ITGA4: variants seen among roughly 807,000 people sequenced by gnomAD.
ITGA4 encodes integrin subunit alpha 4.
A neutral mutation model predicts 133.6 loss-of-function variants in ITGA4; 63 were observed. That is an observed-to-expected ratio of 0.47 (90% confidence interval 0.38 to 0.58). The LOEUF (loss-of-function observed/expected upper bound fraction) is 0.58. Ranked by LOEUF, ITGA4 falls within the 20% of genes least tolerant of loss-of-function variation. The pLI, the probability that ITGA4 is intolerant of heterozygous loss-of-function variation, is 0.00. For missense variants in ITGA4, 1,076 were observed against 1,252.7 expected (o/e 0.86, Z 2.13); for synonymous variants, 483 against 438.0 (o/e 1.10, Z -1.28).
chr2:181,492,272 G>C (rs1017490006), intron 10 of ITGA4, among the ~76,000 whole-genome samples: 3 of 152,130 alleles, frequency 2.0e-5, no homozygotes, highest in African/African-American at 7.2e-5. Flanking sequence ...AAATATAGGT[G>C]TCTACCATTT....
intron 5 of ITGA4, chr2:181,479,055 A>G (rs2105730782): frequency 3.1e-6 from 1 of 319,164 alleles, no homozygotes. Context: ...AATCTATACT[A>G]AAGAACATTT....
At chr2:181,481,538 C>T (rs1161070285) in intron 6 of ITGA4, 60 bp from the exon 7 acceptor site, 5 of 733,274 alleles carry the variant, frequency 6.8e-6, no homozygotes, top group Non-Finnish European at 1.2e-5. Context: ...TCTATTTTAC[C>T]CATATTACCA....
chr2:181,501,328 A>G (rs1686263534), intron 15 of ITGA4, among the ~76,000 whole-genome samples: 1 of 152,170 alleles, frequency 6.6e-6, no homozygotes, highest in Non-Finnish European at 1.5e-5. Flanking sequence ...TTTAAAGAAC[A>G]ATGGGGAGGC....
chr2:181,498,107 G>C (rs1189796478), intron 14 of ITGA4, among the ~76,000 whole-genome samples: 2 of 151,844 alleles, frequency 1.3e-5, no homozygotes, highest in Non-Finnish European at 2.9e-5. Flanking sequence ...CGTATATATA[G>C]ATTTGACTTA....
At chr2:181,468,382 T>G (rs1384611538) in intron 2 of ITGA4, among the ~76,000 whole-genome samples, 1 of 152,194 alleles carries the variant, frequency 6.6e-6, no homozygotes, top group African/African-American at 2.4e-5. Context: ...CAGTAGTACA[T>G]TCTAGTAAAG....
rs137928266 is a variant in ITGA4 at position 181,499,482 on chromosome 2, T to G, written c.1695+705T>G. On this transcript the variant is annotated intron_variant, in intron 15 of 27. Transcript: ENST00000397033. The stretch of plus-strand genomic sequence containing the variant: ...GGGAACGGTGTACTTCATCAGAAAA[T>G]CTATTGTCACAAAAAACCAAACTAT... Among the ~76,000 whole-genome samples the G allele has an allele frequency of 6.9e-3, 1,051 of 152,246 alleles. 13 individuals carry two copies. Among genetic ancestry groups the G allele is most frequent in the African/African-American group, 0.024 (995 of 41,548 alleles).
At chr2:181,509,160 A>T (rs1396510892) in intron 15 of ITGA4, among the ~76,000 whole-genome samples, 3 of 147,624 alleles carry the variant, frequency 2.0e-5, no homozygotes, top group Admixed American at 6.8e-5. Flanking sequence ...AAAAAAAAAA[A>T]AAAAAAAAAA....
rs1211896992 is a variant in ITGA4, at chr2:181,523,166, A to G, written c.2074-271A>G. Among the ~76,000 whole-genome samples the G allele has an allele frequency of 1.3e-5, 2 of 152,158 alleles. No homozygotes were observed. The highest frequency in any genetic ancestry group is 1.3e-4 in the Admixed American group (2 of 15,268). On this transcript the variant is annotated intron_variant, in intron 18 of 27. Coordinates refer to ENST00000397033, the MANE Select transcript of ITGA4 (RefSeq NM_000885.6). The surrounding 1 kb of genome is among the most constrained non-coding windows in gnomAD (Gnocchi z 4.2). ...AATACTAGAGTACACACATATATGT[A>G]TATACACACACACATACACATACAC...
At chr2:181,512,910 T>G (rs1686533303) in intron 17 of ITGA4, among the ~76,000 whole-genome samples, 1 of 152,052 alleles carries the variant, frequency 6.6e-6, no homozygotes, top group Non-Finnish European at 1.5e-5. Context: ...TATTAGAAGA[T>G]GTAAATGTGA....
chr2:181,519,762 G>C (rs767479754), intron 17 of ITGA4, among the ~76,000 whole-genome samples: 1 of 152,172 alleles, frequency 6.6e-6, no homozygotes, highest in South Asian at 2.1e-4. Flanking sequence ...TTCTTAGTGA[G>C]ACATTTGGAA....
At chr2:181,530,779 C>A (rs980265586) in intron 24 of ITGA4, 130 bp downstream of exon 24, 3 of 783,106 alleles carry the variant, frequency 3.8e-6, no homozygotes, top group African/African-American at 3.5e-5. Flanking sequence ...AGTATTCTTG[C>A]GTGGAAGGAA....
chr2:181,535,706 A>C lies in ITGA4; in HGVS notation c.*179A>C, dbSNP rs1448865547. 1.5e-6 allele frequency: 1 copy of C among 657,346 alleles called. No individual in the cohort carries two copies. The highest frequency in any genetic ancestry group is 2.4e-6 in the Non-Finnish European group (1 of 424,004). 40.7% of individuals were successfully genotyped at this position (657,346 alleles called of 1,614,324 possible). A position where few individuals can be genotyped will look rare whatever the true frequency, so the allele number is the denominator to read the frequency against. On this transcript the variant is annotated 3_prime_UTR_variant, in exon 28 of 28. Coordinates refer to ENST00000397033, the MANE Select transcript of ITGA4 (RefSeq NM_000885.6). Reference sequence around the variant, plus strand: ...AGCAATGATTACTCTTTGAGATAGAAGAACTGCAAAGGTAATAATACAGCC... The same window carrying C: ...AGCAATGATTACTCTTTGAGATAGACGAACTGCAAAGGTAATAATACAGCC...
chr2:181,477,654 C>T (rs1030611438), intron 4 of ITGA4, among the ~76,000 whole-genome samples: 1 of 152,104 alleles, frequency 6.6e-6, no homozygotes, highest in South Asian at 2.1e-4. Context: ...AATATCACTT[C>T]ACACCTATTA....
At chr2:181,510,719 T>C (rs1325215118) in intron 16 of ITGA4, among the ~76,000 whole-genome samples, 1 of 145,878 alleles carries the variant, frequency 6.9e-6, no homozygotes, top group Non-Finnish European at 1.5e-5. Context: ...CACCCTCATA[T>C]GAAAATATTT....
intron 20 of ITGA4, among the ~76,000 whole-genome samples, chr2:181,524,822 TAA>T (rs1326065759): frequency 6.6e-6 from 1 of 152,116 alleles, no homozygotes; most frequent in African/African-American, 2.4e-5. Context: ...CTTTGATCAT[TAA>T]GTCTTGCAAA....
At chr2:181,459,891 A>G (rs969105405) in intron 2 of ITGA4, among the ~76,000 whole-genome samples, 1 of 152,144 alleles carries the variant, frequency 6.6e-6, no homozygotes, top group African/African-American at 2.4e-5. Context: ...CACTGAATCT[A>G]TTTCTGGATG....
At chr2:181,457,342 C>T (rs1685141564), upstream of ITGA4, 2 of 320,764 alleles carry the variant, frequency 6.2e-6, no homozygotes, top group Non-Finnish European at 1.2e-5. Context: ...GGCCCTGCGC[C>T]TCCGCACCAC....
intron 10 of ITGA4, among the ~76,000 whole-genome samples, chr2:181,488,246 C>G (rs1179807806): frequency 6.6e-6 from 1 of 152,046 alleles, no homozygotes; most frequent in Non-Finnish European, 1.5e-5. Flanking sequence ...AGTGTTCGGT[C>G]GATGAGACTT....
rs1462752743 is a variant in ITGA4, at chr2:181,537,283, C to A, written c.*1756C>A. ...TTTCCTACTCAGAACTACTCAGAAACAACTATATATTTCAGGTTATCTGAG... is the reference window on the plus strand; with the variant it reads ...TTTCCTACTCAGAACTACTCAGAAAAAACTATATATTTCAGGTTATCTGAG... On this transcript the variant is annotated 3_prime_UTR_variant, in exon 28 of 28. Coordinates refer to ENST00000397033, the MANE Select transcript of ITGA4 (RefSeq NM_000885.6). The A allele has an allele frequency of 2.2e-6, 1 of 453,624 alleles. No homozygotes were observed. The highest frequency in any genetic ancestry group is 2.4e-5 in the Admixed American group (1 of 42,526). 28.1% of individuals were successfully genotyped at this position (453,624 alleles called of 1,614,324 possible). A position where few individuals can be genotyped will look rare whatever the true frequency, so the allele number is the denominator to read the frequency against.
Sources: allele counts gnomAD v4.1 joint callset (sites outside exome capture counted in the v4.1 genomes callset), GRCh38; gene constraint gnomAD v4.1.1; non-coding constraint Gnocchi (gnomAD v3.1); transcripts MANE v1.5; gene names NCBI Gene and HGNC (gene_info 2026-07-23, HGNC 2026-07-21).